Variants in GGA2 observed in about 807,000 individuals in gnomAD.
The protein encoded by GGA2 is golgi associated, gamma adaptin ear containing, ARF binding protein 2.
GGA2 carries 48 observed loss-of-function variants against 79.5 expected under a neutral mutation model. That is an observed-to-expected ratio of 0.60 (90% confidence interval 0.48 to 0.77). GGA2 has a LOEUF of 0.77. Among genes scored for constraint, GGA2 ranks in the 30% least tolerant of loss-of-function variants. The probability of loss-of-function intolerance (pLI) is 0.00; values close to 1 mark genes in which losing one functional copy is unlikely to be tolerated. For synonymous variants in GGA2, 317 were observed against 302.0 expected, an observed-to-expected ratio of 1.05 and a Z score of -0.51; for missense variants, 770 against 774.0, an observed-to-expected ratio of 0.99 and a Z score of 0.06.
rs1964451401 is a variant in GGA2 at position 23,467,387 on chromosome 16, A to AACACACACACACACACACACCCACACAC, written c.*202_*203insGTGTGTGGGTGTGTGTGTGTGTGTGTGT. 3.2e-6 allele frequency: 1 copy of AACACACACACACACACACACCCACACAC among 308,086 alleles called. No individual in the cohort carries two copies. Among genetic ancestry groups the AACACACACACACACACACACCCACACAC allele is most frequent in the Non-Finnish European group, 5.8e-6 (1 of 172,582 alleles). The allele number at this position is 308,086 out of a possible 1,614,324, so 19.1% of individuals were successfully genotyped here. The stretch of plus-strand genomic sequence containing the variant: ...GCCCTGTGCTACCACCCTCTCCCCG[A>AACACACACACACACACACACCCACACAC]ACACACACACACACACACACACACA... On this transcript the variant is annotated 3_prime_UTR_variant, in exon 17 of 17. Transcript: ENST00000309859.
At position 23,475,062 on chromosome 16, in the gene GGA2, C is replaced by T. The variant is rs756089549; in HGVS notation, c.1293-1G>A. 32 of 1,559,762 alleles carry T rather than the reference C, an allele frequency of 2.1e-5. No homozygotes were observed. Among genetic ancestry groups the T allele is most frequent in the Non-Finnish European group, 2.7e-5 (31 of 1,154,096 alleles). On this transcript the variant is annotated splice_acceptor_variant, in intron 13 of 16. Coordinates refer to ENST00000309859, the MANE Select transcript of GGA2 (RefSeq NM_015044.4). LOFTEE classifies it high-confidence loss of function. ...GACACTTTTCTGCGAAACATAATTC[C>T]TACAAAGAAATAAAAAATATCAAAG...
upstream of GGA2, chr16:23,510,568 G>T: frequency 2.6e-6 from 1 of 386,996 alleles, no homozygotes; most frequent in Admixed American, 4.5e-5. Context: ...CCCTCCACGC[G>T]GGACCGGCCG....
At chr16:23,483,455 C>G (rs1379460246) in intron 8 of GGA2, among the ~76,000 whole-genome samples, 1 of 152,120 alleles carries the variant, frequency 6.6e-6, no homozygotes, top group Non-Finnish European at 1.5e-5. Flanking sequence ...AGTGGAAGGA[C>G]AGGTAAATAA....
At chr16:23,519,444 G>C (rs1965122638) in intron 2 of GGA2, 2 of 198,418 alleles carry the variant, frequency 1.0e-5, no homozygotes, top group Non-Finnish European at 2.2e-5. Context: ...CATGATCATA[G>C]AATATGACTC....
chr16:23,478,862 C>T (rs1289787122), intron 12 of GGA2, 21 bp downstream of exon 12: 2 of 1,576,636 alleles, frequency 1.3e-6, no homozygotes, highest in Admixed American at 3.3e-5. Context: ...TCTCTCCGGG[C>T]CCTGGGAAGG....
chr16:23,504,081 C>CA (rs1302041009), intron 1 of GGA2, among the ~76,000 whole-genome samples: 2,409 of 109,322 alleles, frequency 0.022, 27 homozygotes, highest in Middle Eastern at 0.035. Flanking sequence ...AACTCCGTCT[C>CA]AAAAAAAAAA....
In GGA2 at chr16:23,467,681, T is replaced by TA. The variant is rs757783939; in HGVS notation, c.1750dup (p.Tyr584LeufsTer43). ...TCCACCTTGGTTGAATGTCAGCTTG[T>TA]ACCGTAAGCGGATAGGTTCCTGGGA... On this transcript the variant is annotated frameshift_variant, in exon 17 of 17. Coordinates refer to ENST00000309859, the MANE Select transcript of GGA2 (RefSeq NM_015044.4). LOFTEE classifies it high-confidence loss of function. 2.5e-6 allele frequency: 4 copies of TA among 1,594,834 alleles called. No homozygotes were observed. The highest frequency in any genetic ancestry group is 2.6e-6 in the Non-Finnish European group (3 of 1,162,488).
At chr16:23,507,460 G>A (rs60806846) in intron 1 of GGA2, among the ~76,000 whole-genome samples, 1,599 of 152,212 alleles carry the variant, frequency 0.011, 20 homozygotes, top group African/African-American at 0.036. Context: ...AAACCCTATC[G>A]CTACTAAAAA....
upstream of GGA2, chr16:23,510,621 C>A: frequency 2.6e-6 from 1 of 378,934 alleles, no homozygotes; most frequent in Non-Finnish European, 4.7e-6. Flanking sequence ...CGCTGGTCTT[C>A]TAAGACCACT....
chr16:23,465,687 T>G lies in GGA2; in HGVS notation c.*1903A>C. On this transcript the variant is annotated 3_prime_UTR_variant, in exon 17 of 17. Coordinates refer to ENST00000309859, the MANE Select transcript of GGA2 (RefSeq NM_015044.4). ...CGGGTGCGGTGGCTCACGCCTGTAA[T>G]CCCAGCACTCTGGGAGGCCAAGGCA... The G allele has an allele frequency of 1.5e-5, 5 of 324,592 alleles. No individual in the cohort carries two copies. Among genetic ancestry groups the G allele is most frequent in the Non-Finnish European group, 2.3e-5 (4 of 173,708 alleles). The allele number at this position is 324,592 out of a possible 1,614,324, so 20.1% of individuals were successfully genotyped here. A position where few individuals can be genotyped will look rare whatever the true frequency, so the allele number is the denominator to read the frequency against.
At chr16:23,470,760 CAAACAAA>C (rs1964499992) in intron 14 of GGA2, among the ~76,000 whole-genome samples, 1 of 141,864 alleles carries the variant, frequency 7.0e-6, no homozygotes, top group Non-Finnish European at 1.5e-5. Context: ...AACAAACAAA[CAAACAAA>C]AAACAAAAAG....
chr16:23,513,304 G>A (rs1965084657), upstream of GGA2, among the ~76,000 whole-genome samples: 1 of 152,092 alleles, frequency 6.6e-6, no homozygotes, highest in Non-Finnish European at 1.5e-5. Context: ...ACCCTCAGAA[G>A]CAGCCTCAGA....
chr16:23,510,551 A>G (rs934258027), upstream of GGA2: 4 of 302,908 alleles, frequency 1.3e-5, no homozygotes, highest in East Asian at 8.5e-5. Flanking sequence ...CGCCCACCCC[A>G]GGCCCCCCCT....
At chr16:23,492,424 G>C (rs1964800531) in intron 4 of GGA2, among the ~76,000 whole-genome samples, 1 of 152,092 alleles carries the variant, frequency 6.6e-6, no homozygotes, top group African/African-American at 2.4e-5. Flanking sequence ...ATCATGCCTA[G>C]GTAATAAAAC....
At chr16:23,523,671 T>A (rs1567376164), upstream of GGA2, 1 of 152,286 alleles carries the variant, frequency 6.6e-6, no homozygotes, top group Non-Finnish European at 1.5e-5. Flanking sequence ...GGCTGAATTC[T>A]GTCCCCCTAA....
chr16:23,478,861 G>A (rs1219098032), intron 12 of GGA2, 22 bp downstream of exon 12: 2 of 1,574,226 alleles, frequency 1.3e-6, no homozygotes, highest in Non-Finnish European at 1.7e-6. Context: ...CTCTCTCCGG[G>A]CCCTGGGAAG....
chr16:23,495,198 TC>T (rs1234310657), intron 2 of GGA2: 1 of 152,416 alleles, frequency 6.6e-6, no homozygotes, highest in Non-Finnish European at 1.5e-5. Flanking sequence ...AATAAAACCT[TC>T]CCCTTTTCCT....
intron 14 of GGA2, among the ~76,000 whole-genome samples, chr16:23,471,196 A>G (rs1964506867): frequency 6.6e-6 from 1 of 152,076 alleles, no homozygotes; most frequent in Non-Finnish European, 1.5e-5. Flanking sequence ...GGTCTCTTTT[A>G]TATGAGTACA....
Position 23,472,212 on chromosome 16 carries a change from T to A in GGA2, c.1451-2047A>T, listed in dbSNP as rs961703596. 4.4e-4 allele frequency among the ~76,000 whole-genome samples: 37 copies of A among 83,490 alleles called. No individual in the cohort carries two copies. The East Asian group carries it at 0.011, about 25-fold the overall frequency. 54.8% of individuals were successfully genotyped at this position (83,490 alleles called of 152,430 possible). On this transcript the variant is annotated intron_variant, in intron 14 of 16. Transcript: ENST00000309859. ...TTTTTTTTTTTTTTTTTTTTTTTTT[T>A]AGACACAGTCTCACTGTGTCACCCA...
Sources: gnomAD v4.1 joint callset for allele counts (sites outside exome capture counted in the v4.1 genomes callset) on GRCh38, gnomAD v4.1.1 for gene constraint, MANE v1.5 for transcripts, NCBI Gene and HGNC (gene_info 2026-07-23, HGNC 2026-07-21) for gene names.